Variants in XPO5 observed in about 807,000 individuals in gnomAD.
XPO5 encodes exportin-5.
XPO5 carries 46 observed loss-of-function variants against 160.6 expected under a neutral mutation model. The observed-to-expected ratio is 0.29, with a 90% CI of 0.23 to 0.37. The LOEUF (loss-of-function observed/expected upper bound fraction) is 0.37. XPO5 is among the 10% of genes least tolerant of loss of function. The pLI is 1.00. For missense variants in XPO5, 1,090 were observed against 1,463.9 expected (o/e 0.74, Z 4.17); for synonymous variants, 537 against 519.3 (o/e 1.03, Z -0.46).
At chr6:43,534,112 A>G in intron 20 of XPO5, 105 bp from the exon 21 acceptor site, 1 of 789,324 alleles carries the variant, frequency 1.3e-6, no homozygotes, top group Non-Finnish European at 2.0e-6. Flanking sequence ...AGATCTGCCC[A>G]TCAACTCCTG....
chr6:43,526,018 G>T, intron 27 of XPO5, 97 bp from the exon 28 acceptor site: 1 of 1,401,202 alleles, frequency 7.1e-7, no homozygotes, highest in Non-Finnish European at 9.9e-7. Flanking sequence ...AAAGCTGAGT[G>T]TTCTAGGCTA....
At chr6:43,538,771 C>CA (rs1554133811) in intron 20 of XPO5, 137 of 532,908 alleles carry the variant, frequency 2.6e-4, no homozygotes, top group Middle Eastern at 5.5e-4. Flanking sequence ...CTACATTTTT[C>CA]TTTTTTTTTT....
chr6:43,535,952 G>T (rs557809315), intron 20 of XPO5, among the ~76,000 whole-genome samples: 34 of 151,934 alleles, frequency 2.2e-4, no homozygotes, highest in Middle Eastern at 3.4e-3. Context: ...GTGAAACCCT[G>T]TCTCTACTAA....
chr6:43,569,643 G>T (rs895867190), intron 5 of XPO5, among the ~76,000 whole-genome samples: 2 of 151,172 alleles, frequency 1.3e-5, no homozygotes, highest in African/African-American at 4.9e-5. Flanking sequence ...TGAGGCAGGA[G>T]AATCGCTTGA....
At chr6:43,541,774 A>G (rs908546879) in intron 20 of XPO5, among the ~76,000 whole-genome samples, 2 of 152,120 alleles carry the variant, frequency 1.3e-5, no homozygotes, top group Non-Finnish European at 2.9e-5. Context: ...GTAGTAATCC[A>G]ATACTTCTTT....
rs770709621 is a variant in XPO5 at position 43,541,282 on chromosome 6, CA to C, written c.2342+5288del. 2.0e-5 allele frequency among the ~76,000 whole-genome samples: 3 copies of C among 152,196 alleles called. No homozygotes were observed. In the East Asian group the frequency reaches 5.8e-4, roughly 29 times the overall value. On this transcript the variant is annotated intron_variant, in intron 20 of 31. Transcript: ENST00000265351. ...GACTATAACTGGATTGTTTGTAACA[CA>C]AAGGATAAATGCTTGAGGGGATGGA... is the stretch of plus-strand genomic sequence containing the variant.
At chr6:43,554,068 C>A (rs1161022056) in intron 13 of XPO5, among the ~76,000 whole-genome samples, 1 of 152,174 alleles carries the variant, frequency 6.6e-6, no homozygotes, top group East Asian at 1.9e-4. Context: ...GCACAGCACT[C>A]AAATAGCAAG....
At chr6:43,549,459 G>A in intron 17 of XPO5, 30 bp downstream of exon 17, 1 of 1,567,908 alleles carries the variant, frequency 6.4e-7, no homozygotes, top group Non-Finnish European at 8.6e-7. Flanking sequence ...AACCAAACTT[G>A]GCTACTTCAG....
chr6:43,553,898 T>C lies in XPO5; in HGVS notation c.1442-395A>G, dbSNP rs550967186. The stretch of plus-strand genomic sequence containing the variant: ...TCCTCCCCCTTTATAATCTTTTCCA[T>C]GAGAATCTAAATAATTAAAATTGAG... On this transcript the variant is annotated intron_variant, in intron 13 of 31. Coordinates refer to ENST00000265351, the MANE Select transcript of XPO5 (RefSeq NM_020750.3). Among the ~76,000 whole-genome samples the C allele has an allele frequency of 5.7e-4, 87 of 152,242 alleles. 2 individuals are homozygous for C. The South Asian group carries it at 0.018, about 31-fold the overall frequency.
chr6:43,534,045 G>GC, intron 20 of XPO5, 38 bp from the exon 21 acceptor site: 1 of 1,505,406 alleles, frequency 6.6e-7, no homozygotes, highest in Non-Finnish European at 9.1e-7. Flanking sequence ...TTTTCCATCT[G>GC]ATGCAGAAGG....
At position 43,567,267 on chromosome 6, in the gene XPO5, C is replaced by T; in HGVS notation, c.736G>A (p.Glu246Lys). ...AGTATCTCCAGGAGTTTACAGTTTT[C>T]AGCAGTGATGTGACTCATAGACACC... Reference protein sequence around the residue: ...DWVSMSHITAENCKLLEILCL... With the variant: ...DWVSMSHITAKNCKLLEILCL... Residue 246 changes from glutamate (E) to lysine (K), a missense_variant, in exon 7 of 32, where the codon GAA (glutamate) becomes AAA (lysine). By Grantham distance (56) the Glu-to-Lys change is moderately conservative. Transcript: ENST00000265351. 3.1e-6 allele frequency: 5 copies of T among 1,613,952 alleles called. No individual in the cohort carries two copies. The highest frequency in any genetic ancestry group is 4.2e-6 in the Non-Finnish European group (5 of 1,179,868).
rs1795355682 is a variant in XPO5, at chr6:43,553,514, C to T, written c.1442-11G>A. On this transcript the variant is annotated splice_polypyrimidine_tract_variant and intron_variant, in intron 13 of 31. Coordinates refer to ENST00000265351, the MANE Select transcript of XPO5 (RefSeq NM_020750.3). Reference sequence around the variant, plus strand: ...CAACTGCAGAACAAGCTTTAAAACACACACACACACATACACACACACACA... The same window carrying T: ...CAACTGCAGAACAAGCTTTAAAACATACACACACACATACACACACACACA... 1.3e-6 allele frequency: 2 copies of T among 1,544,920 alleles called. No homozygotes were observed. The highest frequency in any genetic ancestry group is 2.0e-5 in the Admixed American group (1 of 50,798).
chr6:43,527,806 G>C (rs1793693395), intron 25 of XPO5, 75 bp from the exon 26 acceptor site: 1 of 1,478,530 alleles, frequency 6.8e-7, no homozygotes, highest in Admixed American at 1.8e-5. Context: ...ACCCTAATCA[G>C]ACTCTCTCTG....
At chr6:43,558,817 C>T (rs1043481984) in intron 11 of XPO5, 8 of 424,496 alleles carry the variant, frequency 1.9e-5, no homozygotes, top group Non-Finnish European at 2.9e-5. Context: ...ATACCATCCT[C>T]CAAGTTCCTC....
At chr6:43,540,339 C>T (rs755103856) in intron 20 of XPO5, among the ~76,000 whole-genome samples, 3 of 152,138 alleles carry the variant, frequency 2.0e-5, no homozygotes, top group Non-Finnish European at 4.4e-5. Context: ...ATTAGCCAGG[C>T]GAGGTGGCGG....
intron 1 of XPO5, among the ~76,000 whole-genome samples, chr6:43,575,197 C>T (rs1763237507): frequency 6.6e-6 from 1 of 152,172 alleles, no homozygotes; most frequent in Non-Finnish European, 1.5e-5. Context: ...CACTCAAAAA[C>T]ATGGGAGAAG....
At position 43,522,697 on chromosome 6, in the gene XPO5, GCT is replaced by G. The variant is rs1227734666; in HGVS notation, c.*1169_*1170del. The stretch of plus-strand genomic sequence containing the variant: ...AAAACTGTAGCTTCAGTCCACTTCG[GCT>G]CTCGGGGAAACCCTCTTGTCAGTGG... On this transcript the variant is annotated 3_prime_UTR_variant, in exon 32 of 32. Coordinates refer to ENST00000265351, the MANE Select transcript of XPO5 (RefSeq NM_020750.3). The G allele has an allele frequency of 6.0e-6, 3 of 496,984 alleles. No homozygotes were observed. The highest frequency in any genetic ancestry group is 1.3e-5 in the Non-Finnish European group (3 of 238,062). The allele number at this position is 496,984 out of a possible 1,614,324, so 30.8% of individuals were successfully genotyped here. A position where few individuals can be genotyped will look rare whatever the true frequency, so the allele number is the denominator to read the frequency against.
At chr6:43,527,290 T>G (rs974907000) in intron 26 of XPO5, 7 of 215,986 alleles carry the variant, frequency 3.2e-5, no homozygotes, top group Admixed American at 3.2e-4. Flanking sequence ...ACTTTTTTTT[T>G]GAGACGGAGT....
In XPO5 at chr6:43,524,978, C is replaced by G. The variant is rs887811366; in HGVS notation, c.3175-10G>C. On this transcript the variant is annotated splice_polypyrimidine_tract_variant and intron_variant, in intron 29 of 31. Transcript: ENST00000265351. ...GTGTCCCTGACAGCACCTGGGGAGA[C>G]AACTGTGCTTTAGGGCCACAGGGGG... 4 of 1,612,140 alleles carry G rather than the reference C, an allele frequency of 2.5e-6. No individual in the cohort carries two copies. The highest frequency in any genetic ancestry group is 3.4e-6 in the Non-Finnish European group (4 of 1,179,460).
Sources: allele counts gnomAD v4.1 joint callset (sites outside exome capture counted in the v4.1 genomes callset), GRCh38; gene constraint gnomAD v4.1.1; transcripts MANE v1.5; gene names NCBI Gene and HGNC (gene_info 2026-07-23, HGNC 2026-07-21).